The following PRPSAP2 variants were observed in gnomAD, a reference collection of about 807,000 sequenced individuals.
PRPSAP2 encodes the protein phosphoribosyl pyrophosphate synthase-associated protein 2.
A neutral mutation model predicts 40.6 loss-of-function variants in PRPSAP2; 24 were observed. That is an observed-to-expected ratio of 0.59 (90% CI 0.43 to 0.83). The LOEUF (loss-of-function observed/expected upper bound fraction) is 0.83, where lower values mean the gene tolerates loss of function less well. Ranked by LOEUF, PRPSAP2 falls within the 40% of genes least tolerant of loss-of-function variation. The pLI, the probability that PRPSAP2 is intolerant of heterozygous loss-of-function variation, is 0.00. For synonymous variants in PRPSAP2, 149 were observed against 164.7 expected (o/e 0.90, Z 0.73); for missense variants, 292 against 465.6 (o/e 0.63, Z 3.43).
At chr17:18,899,684 G>A (rs775431636) in intron 8 of PRPSAP2, among the ~76,000 whole-genome samples, 2 of 150,896 alleles carry the variant, frequency 1.3e-5, no homozygotes, top group Non-Finnish European at 3.0e-5. Context: ...GCATGCCACC[G>A]TGTCTTGCGA....
intron 9 of PRPSAP2, among the ~76,000 whole-genome samples, chr17:18,919,356 A>T (rs1437014607): frequency 2.0e-5 from 3 of 152,140 alleles, no homozygotes; most frequent in African/African-American, 7.2e-5. Flanking sequence ...AAAAATATAA[A>T]AATTAGCCAG....
intron 7 of PRPSAP2, among the ~76,000 whole-genome samples, chr17:18,889,169 A>T (rs1261806877): frequency 2.0e-5 from 3 of 152,256 alleles, no homozygotes; most frequent in African/African-American, 7.2e-5. Flanking sequence ...ATTATGCCGG[A>T]GGCAACTGTA....
chr17:18,914,970 C>G (rs552419873), intron 9 of PRPSAP2, among the ~76,000 whole-genome samples: 2 of 151,746 alleles, frequency 1.3e-5, no homozygotes. Flanking sequence ...AAGTGGTCCG[C>G]CTGCCTCAGC....
chr17:18,925,544 A>G (rs1285744739), intron 10 of PRPSAP2, among the ~76,000 whole-genome samples: 3 of 152,118 alleles, frequency 2.0e-5, no homozygotes, highest in Admixed American at 6.6e-5. Context: ...TTTCACTGCT[A>G]TGTGTTGTGT....
chr17:18,898,380 T>G (rs1273886989), intron 8 of PRPSAP2, among the ~76,000 whole-genome samples: 1 of 152,228 alleles, frequency 6.6e-6, no homozygotes, highest in Non-Finnish European at 1.5e-5. Context: ...GTATTTTTGT[T>G]TCCTTCTTCC....
intron 7 of PRPSAP2, among the ~76,000 whole-genome samples, chr17:18,887,563 T>C (rs969652983): frequency 1.3e-5 from 2 of 152,200 alleles, no homozygotes; most frequent in African/African-American, 4.8e-5. Flanking sequence ...GTTAAGTATT[T>C]CATCCCTTCT....
intron 9 of PRPSAP2, among the ~76,000 whole-genome samples, chr17:18,914,850 G>A (rs2041208859): frequency 6.6e-6 from 1 of 151,026 alleles, no homozygotes; most frequent in South Asian, 2.1e-4. Context: ...TCGGCCTCCT[G>A]AGTAGCTAGC....
intron 8 of PRPSAP2, among the ~76,000 whole-genome samples, chr17:18,905,746 A>G (rs192868949): frequency 4.3e-4 from 65 of 151,996 alleles, no homozygotes; most frequent in African/African-American, 1.5e-3. Flanking sequence ...ACACCCGGCT[A>G]ATTTGTTTGT....
At position 18,878,652 on chromosome 17, in the gene PRPSAP2, G is replaced by A. The variant is rs146759249; in HGVS notation, c.412+782G>A. The stretch of plus-strand genomic sequence containing the variant: ...CGCTCACCACAACCTCCACCTCCCC[G>A]GTTCAAGCGATTCTCCTGCCTCAGC... On this transcript the variant is annotated intron_variant, in intron 6 of 11. Coordinates refer to ENST00000268835, the MANE Select transcript of PRPSAP2 (RefSeq NM_002767.4). Among the ~76,000 whole-genome samples the A allele has an allele frequency of 6.9e-3, 1,045 of 152,074 alleles. 13 individuals are homozygous for A. The highest frequency in any genetic ancestry group is 0.023 in the African/African-American group (965 of 41,466).
At chr17:18,907,759 T>G (rs2040687135) in intron 8 of PRPSAP2, among the ~76,000 whole-genome samples, 4 of 152,206 alleles carry the variant, frequency 2.6e-5, no homozygotes, top group African/African-American at 4.8e-5. Flanking sequence ...GAATATTTAG[T>G]AACTAAATAA....
chr17:18,890,883 G>A (rs769961223), intron 8 of PRPSAP2, among the ~76,000 whole-genome samples: 1 of 152,182 alleles, frequency 6.6e-6, no homozygotes, highest in Non-Finnish European at 1.5e-5. Context: ...AACCTGAGGT[G>A]TACCAAAGGG....
At chr17:18,887,192 C>T (rs2039227780) in intron 7 of PRPSAP2, among the ~76,000 whole-genome samples, 1 of 152,006 alleles carries the variant, frequency 6.6e-6, no homozygotes, top group Admixed American at 6.6e-5. Flanking sequence ...GCCTCAACCT[C>T]CCAGAGTACT....
intron 7 of PRPSAP2, 31 bp downstream of exon 7, chr17:18,882,714 A>C: frequency 7.4e-7 from 1 of 1,350,656 alleles, no homozygotes; most frequent in Non-Finnish European, 1.1e-6. Context: ...TTATTTTAAC[A>C]TTCTGATTAA....
intron 7 of PRPSAP2, among the ~76,000 whole-genome samples, chr17:18,884,431 T>C (rs958847507): frequency 2.0e-5 from 3 of 152,130 alleles, no homozygotes; most frequent in Non-Finnish European, 4.4e-5. Flanking sequence ...CTTGAACTCC[T>C]GGGCTCAAGA....
At chr17:18,874,599 A>T (rs146678393) in intron 5 of PRPSAP2, among the ~76,000 whole-genome samples, 23 of 152,298 alleles carry the variant, frequency 1.5e-4, no homozygotes, top group Non-Finnish European at 2.5e-4. Flanking sequence ...TGTGCTCTGA[A>T]GGAGGAAGGG....
In PRPSAP2 at chr17:18,865,864, A is replaced by T; in HGVS notation, c.31A>T (p.Thr11Ser). The change falls in exon 3 of 12, where the codon ACC becomes TCC. Residue 11 changes from threonine to serine, a missense_variant. Coordinates refer to ENST00000268835, the MANE Select transcript of PRPSAP2 (RefSeq NM_002767.4). Reference protein sequence around the residue: MFCVTPPELETKMNITKGGLV... With the variant: MFCVTPPELESKMNITKGGLV... Reference sequence around the variant, plus strand: ...TTGTGTGACGCCACCTGAATTAGAAACCAAGATGAACATAACCAAAGGTGG... The same window carrying T: ...TTGTGTGACGCCACCTGAATTAGAATCCAAGATGAACATAACCAAAGGTGG... The T allele has an allele frequency of 1.3e-6, 2 of 1,522,862 alleles. No homozygotes were observed. The highest frequency in any genetic ancestry group is 2.7e-5 in the South Asian group (2 of 75,198). The allele number at this position is 1,522,862 out of a possible 1,614,324, so 94.3% of individuals were successfully genotyped here.
At chr17:18,897,991 C>CTTTTTTTTT (rs71155370) in intron 8 of PRPSAP2, among the ~76,000 whole-genome samples, 11 of 116,352 alleles carry the variant, frequency 9.5e-5, no homozygotes, top group Non-Finnish European at 1.6e-4. Flanking sequence ...AGAATTTTTG[C>CTTTTTTTTT]TTTTTTTTTT....
At chr17:18,867,874 T>C (rs555599120) in intron 4 of PRPSAP2, among the ~76,000 whole-genome samples, 59 of 152,298 alleles carry the variant, frequency 3.9e-4, no homozygotes, top group African/African-American at 1.4e-3. Flanking sequence ...TGCTGGCTCA[T>C]GCATCTAATG....
intron 8 of PRPSAP2, chr17:18,908,674 C>T (rs1026005967): frequency 4.2e-6 from 3 of 722,370 alleles, no homozygotes; most frequent in African/African-American, 3.5e-5. Context: ...CAAGCCAGAG[C>T]TGCTGGCCAT....
Sources: allele counts gnomAD v4.1 joint callset (sites outside exome capture counted in the v4.1 genomes callset), GRCh38; gene constraint gnomAD v4.1.1; transcripts MANE v1.5; gene names NCBI Gene and HGNC (gene_info 2026-07-23, HGNC 2026-07-21).